Variants in LGSN observed in about 807,000 individuals in gnomAD.
The protein encoded by LGSN is lengsin, lens protein with glutamine synthetase domain.
Under a neutral mutation model 19.5 loss-of-function variants are expected in LGSN, and 21 were observed. The ratio of observed to expected loss-of-function variants is 1.07; its 90% CI spans 0.76 to 1.55. LGSN has a LOEUF of 1.55. Among genes scored for constraint, LGSN ranks in the 40% most tolerant of loss-of-function variants. The pLI is 0.00. For missense variants in LGSN, 673 were observed against 608.5 expected (o/e 1.11, Z -1.12); for synonymous variants, 257 against 215.6 (o/e 1.19, Z -1.68).
the LGSN span, among the ~76,000 whole-genome samples, chr6:63,452,407 C>T: frequency 6.6e-6 from 1 of 152,078 alleles, no homozygotes; most frequent in Non-Finnish European, 1.5e-5. Context: ...AGCCACCACA[C>T]CCAGCAACCT....
chr6:63,451,023 T>C, the LGSN span, among the ~76,000 whole-genome samples: 1 of 152,148 alleles, frequency 6.6e-6, no homozygotes, highest in Non-Finnish European at 1.5e-5. Flanking sequence ...GGCACTCCTT[T>C]TTTATGTCTA....
the LGSN span, among the ~76,000 whole-genome samples, chr6:63,523,794 T>A: frequency 1.3e-5 from 2 of 152,050 alleles, no homozygotes; most frequent in Non-Finnish European, 2.9e-5. Flanking sequence ...CCCAGACAAT[T>A]CTTCTTTCAG....
the LGSN span, among the ~76,000 whole-genome samples, chr6:63,412,894 A>AAG: frequency 6.8e-6 from 1 of 146,832 alleles, no homozygotes; most frequent in Non-Finnish European, 1.5e-5. Flanking sequence ...GAGGGAGAGA[A>AAG]AGAGAGAGAG....
At chr6:63,516,498 C>A in the LGSN span, among the ~76,000 whole-genome samples, 3 of 152,200 alleles carry the variant, frequency 2.0e-5, no homozygotes, top group Non-Finnish European at 2.9e-5. Context: ...AGCTTTGAAT[C>A]TTGACTCCAC....
chr6:63,359,127 G>C, the LGSN span, among the ~76,000 whole-genome samples: 1 of 152,094 alleles, frequency 6.6e-6, no homozygotes, highest in Admixed American at 6.6e-5. Flanking sequence ...TTATATGCTG[G>C]ATTACATTTA....
chr6:63,346,579 G>A, the LGSN span, among the ~76,000 whole-genome samples: 1 of 152,010 alleles, frequency 6.6e-6, no homozygotes, highest in Non-Finnish European at 1.5e-5. Flanking sequence ...AGTTCTGTGA[G>A]CCACTCTAGT....
intron 2 of LGSN, among the ~76,000 whole-genome samples, chr6:63,288,746 C>T (rs1767650467): frequency 6.6e-6 from 1 of 152,372 alleles, no homozygotes; most frequent in African/African-American, 2.4e-5. Flanking sequence ...GGCTTCTAGA[C>T]AGCCATCTTC....
chr6:63,358,969 T>C, the LGSN span, among the ~76,000 whole-genome samples: 60 of 152,308 alleles, frequency 3.9e-4, no homozygotes, highest in African/African-American at 1.4e-3. Context: ...GGCTGTGGGT[T>C]TGTCATAAAT....
the LGSN span, among the ~76,000 whole-genome samples, chr6:63,465,887 G>A: frequency 6.6e-6 from 1 of 152,206 alleles, no homozygotes; most frequent in Non-Finnish European, 1.5e-5. Flanking sequence ...ACTCTGGCCA[G>A]TGTGGCTGGA....
the LGSN span, among the ~76,000 whole-genome samples, chr6:63,363,338 G>C: frequency 6.6e-6 from 1 of 152,338 alleles, no homozygotes; most frequent in African/African-American, 2.4e-5. Flanking sequence ...AACAAAGCTG[G>C]ACAGAGAATG....
the LGSN span, among the ~76,000 whole-genome samples, chr6:63,412,829 A>G: frequency 1.4e-5 from 2 of 144,680 alleles, no homozygotes; most frequent in African/African-American, 5.5e-5. Flanking sequence ...GAAGGAAAGG[A>G]AAGGAAGGAA....
the LGSN span, among the ~76,000 whole-genome samples, chr6:63,367,931 G>A: frequency 6.6e-6 from 1 of 151,528 alleles, no homozygotes; most frequent in Admixed American, 6.6e-5. Flanking sequence ...TCACACACTG[G>A]GGCCTGTCGT....
the LGSN span, among the ~76,000 whole-genome samples, chr6:63,493,905 T>C: frequency 1.1e-4 from 16 of 152,162 alleles, no homozygotes; most frequent in African/African-American, 3.9e-4. Context: ...AGGTGAATCA[T>C]TGTATCTCAG....
chr6:63,443,869 C>T, the LGSN span, among the ~76,000 whole-genome samples: 7 of 145,512 alleles, frequency 4.8e-5, no homozygotes, highest in Non-Finnish European at 7.5e-5. Context: ...AGTTGTTACA[C>T]AAAGCTGTGT....
the LGSN span, among the ~76,000 whole-genome samples, chr6:63,451,879 A>T: frequency 8.5e-5 from 13 of 152,208 alleles, no homozygotes; most frequent in African/African-American, 3.1e-4. Context: ...TAAAATTTTT[A>T]AACTAAATTT....
the LGSN span, among the ~76,000 whole-genome samples, chr6:63,500,739 C>CT: frequency 1.4e-5 from 2 of 141,004 alleles, no homozygotes; most frequent in African/African-American, 5.3e-5. Flanking sequence ...TTTTTTTTTT[C>CT]TTTTTTGAGA....
chr6:63,506,741 C>T, the LGSN span, among the ~76,000 whole-genome samples: 1 of 152,080 alleles, frequency 6.6e-6, no homozygotes, highest in African/African-American at 2.4e-5. Context: ...CATTTTCTTC[C>T]CAAAATAAGA....
At chr6:63,331,381 G>T in the LGSN span, among the ~76,000 whole-genome samples, 1 of 152,106 alleles carries the variant, frequency 6.6e-6, no homozygotes, top group African/African-American at 2.4e-5. Context: ...TTCCTTATCA[G>T]AGAGAGAATA....
At chr6:63,529,862 C>T in the LGSN span, among the ~76,000 whole-genome samples, 1 of 152,056 alleles carries the variant, frequency 6.6e-6, no homozygotes, top group Admixed American at 6.6e-5. Flanking sequence ...TAAAAATTAT[C>T]AATTAGGTGT....
Sources: allele counts gnomAD v4.1 joint callset (sites outside exome capture counted in the v4.1 genomes callset), GRCh38; gene constraint gnomAD v4.1.1; transcripts MANE v1.5; gene names NCBI Gene and HGNC (gene_info 2026-07-23, HGNC 2026-07-21).